Variants in PTPRD observed in about 807,000 individuals in gnomAD.
PTPRD encodes protein tyrosine phosphatase receptor type D.
In PTPRD, 34 loss-of-function variants were observed where a neutral mutation model predicts 214.5. That is an observed-to-expected ratio of 0.16 (90% CI 0.12 to 0.21). The LOEUF (loss-of-function observed/expected upper bound fraction) is 0.21. Ranked by LOEUF, PTPRD falls within the 10% of genes least tolerant of loss-of-function variation. The pLI is 1.00. For synonymous variants in PTPRD, 1,128 were observed against 845.7 expected, an observed-to-expected ratio of 1.33 and a Z score of -5.79; for missense variants, 2,545 against 2,398.7, an observed-to-expected ratio of 1.06 and a Z score of -1.27.
intron 5 of PTPRD, among the ~76,000 whole-genome samples, chr9:9,918,265 C>G (rs999769217): frequency 4.1e-5 from 6 of 144,834 alleles, no homozygotes; most frequent in African/African-American, 1.5e-4. Context: ...AATGAACTAG[C>G]TGAAAAAGTA....
intron 10 of PTPRD, among the ~76,000 whole-genome samples, chr9:9,127,344 G>A (rs906883442): frequency 4.6e-5 from 7 of 152,216 alleles, no homozygotes; most frequent in Non-Finnish European, 8.8e-5. Context: ...GAGAACTGCT[G>A]TAGTTAGTTA....
intron 11 of PTPRD, among the ~76,000 whole-genome samples, chr9:8,810,693 C>G (rs1447118151): frequency 6.6e-6 from 1 of 152,114 alleles, no homozygotes; most frequent in Non-Finnish European, 1.5e-5. Context: ...ATATTGGCAA[C>G]TATTTGAATT....
intron 20 of PTPRD, among the ~76,000 whole-genome samples, chr9:8,520,810 A>AAAAAGTT (rs1564028398): frequency 6.6e-6 from 1 of 152,180 alleles, no homozygotes; most frequent in Non-Finnish European, 1.5e-5. Flanking sequence ...AGGGCTCACC[A>AAAAAGTT]AAAAGTTAAA....
intron 7 of PTPRD, among the ~76,000 whole-genome samples, chr9:9,657,206 A>C (rs1051498825): frequency 1.3e-5 from 2 of 152,196 alleles, no homozygotes; most frequent in African/African-American, 4.8e-5. Flanking sequence ...AAAGTTTATA[A>C]ATTTTATAGT....
chr9:9,412,937 C>T (rs893824969), intron 8 of PTPRD, among the ~76,000 whole-genome samples: 1 of 151,864 alleles, frequency 6.6e-6, no homozygotes, highest in Non-Finnish European at 1.5e-5. Flanking sequence ...GAGGAAAGAT[C>T]AATGGAGGGA....
intron 11 of PTPRD, chr9:8,860,178 TG>T (rs1005921622): frequency 1.4e-4 from 22 of 152,252 alleles, no homozygotes; most frequent in African/African-American, 5.3e-4. Context: ...ATTCCTTTGC[TG>T]TTACTTTTGT....
intron 10 of PTPRD, among the ~76,000 whole-genome samples, chr9:9,145,098 ATTAGG>A (rs1216778488): frequency 1.3e-5 from 2 of 152,184 alleles, no homozygotes; most frequent in Non-Finnish European, 2.9e-5. Context: ...CACTAGTGTA[ATTAGG>A]TTAAAGTTGT....
intron 2 of PTPRD, among the ~76,000 whole-genome samples, chr9:10,428,791 G>A (rs1318255036): frequency 2.0e-5 from 3 of 152,004 alleles, no homozygotes; most frequent in African/African-American, 7.2e-5. Context: ...GGGGAATATA[G>A]ACAAAACACA....
At chr9:10,239,159 A>T (rs190311005) in intron 3 of PTPRD, among the ~76,000 whole-genome samples, 9 of 152,096 alleles carry the variant, frequency 5.9e-5, no homozygotes, top group African/African-American at 1.9e-4. Context: ...ATCTAAATTT[A>T]AAAAAGATTA....
At chr9:8,676,858 G>C (rs1184551934) in intron 12 of PTPRD, among the ~76,000 whole-genome samples, 3 of 152,174 alleles carry the variant, frequency 2.0e-5, no homozygotes, top group Non-Finnish European at 4.4e-5. Flanking sequence ...GCAGGCGTGA[G>C]CCACCGTGCC....
intron 42 of PTPRD, 37 bp from the exon 43 acceptor site, chr9:8,339,084 G>C (rs749683748): frequency 1.3e-6 from 2 of 1,587,180 alleles, no homozygotes; most frequent in East Asian, 2.3e-5. Flanking sequence ...ACTATGCAAA[G>C]TATAAAGAAC....
At chr9:8,766,968 A>G (rs2094804055) in intron 11 of PTPRD, among the ~76,000 whole-genome samples, 1 of 152,174 alleles carries the variant, frequency 6.6e-6, no homozygotes, top group Non-Finnish European at 1.5e-5. Context: ...TTAAGTGAGG[A>G]CTTACTGTAT....
intron 10 of PTPRD, among the ~76,000 whole-genome samples, chr9:9,032,860 G>A (rs553581367): frequency 6.6e-6 from 1 of 152,176 alleles, no homozygotes; most frequent in South Asian, 2.1e-4. Flanking sequence ...AAACCTAGCT[G>A]GTTTGTACAA....
At chr9:9,813,619 G>A (rs983569707) in intron 5 of PTPRD, among the ~76,000 whole-genome samples, 1 of 152,126 alleles carries the variant, frequency 6.6e-6, no homozygotes. Flanking sequence ...AAGGTTTGAA[G>A]CACTTATGAA....
At chr9:8,536,267 G>A (rs1230940666) in intron 14 of PTPRD, among the ~76,000 whole-genome samples, 2 of 151,706 alleles carry the variant, frequency 1.3e-5, no homozygotes, top group Non-Finnish European at 2.9e-5. Context: ...TCATGAATGG[G>A]ACAACAAAAG....
At chr9:8,996,565 T>A (rs1014951872) in intron 11 of PTPRD, among the ~76,000 whole-genome samples, 2 of 152,024 alleles carry the variant, frequency 1.3e-5, no homozygotes, top group African/African-American at 2.4e-5. Flanking sequence ...CTGGGTAGTT[T>A]ATAAACAGAA....
chr9:9,891,374 CTTTT>C (rs35668805), intron 5 of PTPRD, among the ~76,000 whole-genome samples: 12 of 142,014 alleles, frequency 8.4e-5, no homozygotes, highest in South Asian at 2.3e-4. Flanking sequence ...AAAACATACA[CTTTT>C]TTTTTTTTTT....
chr9:8,624,461 T>TA (rs1440687264), intron 14 of PTPRD, among the ~76,000 whole-genome samples: 1 of 151,826 alleles, frequency 6.6e-6, no homozygotes, highest in Non-Finnish European at 1.5e-5. Flanking sequence ...ATATAACACT[T>TA]ACTGAATTAC....
At chr9:9,400,850 T>G (rs914784918) in intron 8 of PTPRD, among the ~76,000 whole-genome samples, 3 of 152,060 alleles carry the variant, frequency 2.0e-5, no homozygotes, top group Non-Finnish European at 4.4e-5. Flanking sequence ...ACCTTTCAGA[T>G]GCAAATTTAT....
Sources: allele counts gnomAD v4.1 joint callset (sites outside exome capture counted in the v4.1 genomes callset), GRCh38; gene constraint gnomAD v4.1.1; transcripts MANE v1.5; gene names NCBI Gene and HGNC (gene_info 2026-07-23, HGNC 2026-07-21).